Variants in MMD2 observed in about 807,000 individuals in gnomAD.
MMD2 encodes monocyte to macrophage differentiation associated 2.
A neutral mutation model predicts 33.5 loss-of-function variants in MMD2; 30 were observed. The ratio of observed to expected loss-of-function variants is 0.90; its 90% confidence interval spans 0.67 to 1.22. MMD2 has a LOEUF of 1.22. Ranked by LOEUF, MMD2 falls within the 50% of genes most tolerant of loss-of-function variation. The probability of loss-of-function intolerance (pLI) is 0.00; values close to 1 mark genes in which losing one functional copy is unlikely to be tolerated. For synonymous variants in MMD2, 129 were observed against 123.0 expected, an observed-to-expected ratio of 1.05 and a Z score of -0.32; for missense variants, 364 against 325.4, an observed-to-expected ratio of 1.12 and a Z score of -0.91.
At position 4,907,394 on chromosome 7, in the gene MMD2, C is replaced by A; in HGVS notation, c.*2G>T. The A allele has an allele frequency of 6.2e-7, 1 of 1,613,648 alleles. No individual in the cohort carries two copies. The highest frequency in any genetic ancestry group is 1.1e-5 in the South Asian group (1 of 91,054). ...CAAACGACCTCTCAAGTCTGGGTCA[C>A]CTCATTTGGACACCTTGGTCTGCAG... On this transcript the variant is annotated 3_prime_UTR_variant, in exon 7 of 7. Coordinates refer to ENST00000401401, the MANE Select transcript of MMD2 (RefSeq NM_198403.4).
At chr7:4,944,875 A>G (rs988907460) in intron 1 of MMD2, among the ~76,000 whole-genome samples, 16 of 140,618 alleles carry the variant, frequency 1.1e-4, no homozygotes, top group African/African-American at 4.3e-4. Context: ...TCACACCATT[A>G]TCCTGCCTCA....
rs116698220 is a variant in MMD2, at chr7:4,941,851, A to T, written c.48-16319T>A. The stretch of plus-strand genomic sequence containing the variant: ...ACCAGGAAGGTTGCACCACAAATGT[A>T]TCTTTAAAGAGTCCTTGAGGTGACA... On this transcript the variant is annotated intron_variant, in intron 1 of 6. Transcript: ENST00000401401. Among the ~76,000 whole-genome samples the T allele has an allele frequency of 2.7e-3, 407 of 151,666 alleles. 1 individual carries two copies. The highest frequency in any genetic ancestry group is 9.2e-3 in the African/African-American group (382 of 41,490).
intron 1 of MMD2, among the ~76,000 whole-genome samples, chr7:4,949,595 T>C (rs1337706326): frequency 2.6e-5 from 4 of 151,844 alleles, no homozygotes; most frequent in Admixed American, 2.6e-4. Flanking sequence ...CACTGCAACC[T>C]CTGCTTCCAA....
Position 4,958,982 on chromosome 7 carries a change from C to T in MMD2, c.36G>A (p.Thr12=). 7.8e-7 allele frequency: 1 copy of T among 1,285,388 alleles called. No individual in the cohort carries two copies. Among genetic ancestry groups the T allele is most frequent in the South Asian group, 2.7e-5 (1 of 36,486 alleles). 79.6% of individuals were successfully genotyped at this position (1,285,388 alleles called of 1,614,324 possible). Residue 12 remains threonine, a synonymous_variant, in exon 1 of 7, where the codon ACG becomes ACA. Coordinates refer to ENST00000401401, the MANE Select transcript of MMD2 (RefSeq NM_198403.4). ...CGGCCGCCGCTCACCTCGCGTATTTCGTCTTCTGGAAATCCAGCAGCCGGG... is the reference window on the plus strand; with the variant it reads ...CGGCCGCCGCTCACCTCGCGTATTTTGTCTTCTGGAAATCCAGCAGCCGGG... ...FAPRLLDFQK[T]KYARFMNHRV...
At chr7:4,895,533 T>C in the MMD2 span, among the ~76,000 whole-genome samples, 1 of 151,400 alleles carries the variant, frequency 6.6e-6, no homozygotes, top group East Asian at 2.0e-4. Context: ...CCAGGCATTC[T>C]TTTTTTTTCT....
intron 3 of MMD2, among the ~76,000 whole-genome samples, chr7:4,918,020 G>A (rs182434742): frequency 2.0e-5 from 3 of 152,298 alleles, no homozygotes; most frequent in Admixed American, 1.3e-4. Flanking sequence ...AAGCTCCCAT[G>A]TGGCTGTGAA....
intron 1 of MMD2, among the ~76,000 whole-genome samples, chr7:4,948,687 G>A (rs1786158086): frequency 6.6e-6 from 1 of 152,186 alleles, no homozygotes; most frequent in African/African-American, 2.4e-5. Context: ...TTACTGCCAA[G>A]TCTATAAGAA....
Position 4,907,515 on chromosome 7 carries a change from T to C in MMD2, c.622A>G (p.Ile208Val). Residue 208 changes from isoleucine (I) to valine (V), a missense_variant, in exon 7 of 7, where the codon ATC (isoleucine) becomes GTC (valine). Physicochemically the swap from Ile to Val is conservative, Grantham distance 29. Transcript: ENST00000401401. ...GMVFFKSDGR[I>V]PFAHAIWHLF... ...TGCCAGATGGCGTGGGCAAAGGGGA[T>C]CCTCCCGTCACTCTTGAAGAAGACC... The C allele has an allele frequency of 1.9e-6, 3 of 1,613,850 alleles. No homozygotes were observed. Among genetic ancestry groups the C allele is most frequent in the Non-Finnish European group, 2.5e-6 (3 of 1,179,902 alleles).
rs60993344 is a variant in MMD2, at chr7:4,956,425, T to TA, written c.47+2545dup. ...TGGGTGATAGAGTAGATCCTATCTT[T>TA]AAAAAAAAAAAAAATCACTTAATCA... is the stretch of plus-strand genomic sequence containing the variant. On this transcript the variant is annotated intron_variant, in intron 1 of 6. Coordinates refer to ENST00000401401, the MANE Select transcript of MMD2 (RefSeq NM_198403.4). Among the ~76,000 whole-genome samples the TA allele has an allele frequency of 3.4e-3, 493 of 144,168 alleles. 1 individual carries two copies. Among genetic ancestry groups the TA allele is most frequent in the African/African-American group, 7.7e-3 (305 of 39,590 alleles). 94.6% of individuals were successfully genotyped at this position (144,168 alleles called of 152,430 possible).
At chr7:4,931,981 A>C (rs905695733) in intron 1 of MMD2, among the ~76,000 whole-genome samples, 5 of 152,128 alleles carry the variant, frequency 3.3e-5, no homozygotes, top group Non-Finnish European at 7.4e-5. Context: ...TGTGGTTTGC[A>C]CTGGTCTCCA....
Position 4,925,452 on chromosome 7 carries a change from G to A in MMD2, c.128C>T (p.Ala43Val). 6.5e-7 allele frequency: 1 copy of A among 1,538,214 alleles called. No homozygotes were observed. Among genetic ancestry groups the A allele is most frequent in the Non-Finnish European group, 8.8e-7 (1 of 1,138,082 alleles). Reference protein sequence around the residue: ...YEHAANCATHAFWIIPSILGS... With the variant: ...YEHAANCATHVFWIIPSILGS... Reference sequence around the variant, plus strand: ...TGAGCCCCCCAAAAGCCAACTCACAGCATGGGTGGCACAGTTGGCCGCATG... The same window carrying A: ...TGAGCCCCCCAAAAGCCAACTCACAACATGGGTGGCACAGTTGGCCGCATG... Residue 43 changes from alanine (A) to valine (V), a missense_variant and splice_region_variant, in exon 2 of 7, where the codon GCT becomes GTT. By Grantham distance (64) the Ala-to-Val change is moderately conservative. Coordinates refer to ENST00000401401, the MANE Select transcript of MMD2 (RefSeq NM_198403.4).
chr7:4,955,211 C>T (rs1459509690), intron 1 of MMD2, among the ~76,000 whole-genome samples: 2 of 152,154 alleles, frequency 1.3e-5, no homozygotes, highest in African/African-American at 2.4e-5. Flanking sequence ...CTGCTCCATT[C>T]GTCAATTTGC....
At chr7:4,926,980 G>A (rs1279204909) in intron 1 of MMD2, among the ~76,000 whole-genome samples, 2 of 151,556 alleles carry the variant, frequency 1.3e-5, no homozygotes, top group Non-Finnish European at 2.9e-5. Flanking sequence ...TCCTGACCTC[G>A]TGATCCGCCT....
rs73321927 is a variant in MMD2, at chr7:4,932,054, G to A, written c.48-6522C>T. On this transcript the variant is annotated intron_variant, in intron 1 of 6. Transcript: ENST00000401401. Reference sequence around the variant, plus strand: ...ACCTGCCACCAGGTGCAGGCCTGCAGCCCTGGCTTCCCCTGCTCCTGTAAC... The same window carrying A: ...ACCTGCCACCAGGTGCAGGCCTGCAACCCTGGCTTCCCCTGCTCCTGTAAC... Among the ~76,000 whole-genome samples, 1,346 of 152,304 alleles carry A rather than the reference G, an allele frequency of 8.8e-3. 20 individuals are homozygous for A. Among genetic ancestry groups the A allele is most frequent in the African/African-American group, 0.031 (1,272 of 41,566 alleles).
intron 3 of MMD2, among the ~76,000 whole-genome samples, chr7:4,916,459 T>C (rs913087989): frequency 3.6e-4 from 52 of 144,320 alleles, no homozygotes; most frequent in African/African-American, 1.3e-3. Flanking sequence ...CTCAGCTCAC[T>C]GCAACCTCCG....
intron 1 of MMD2, among the ~76,000 whole-genome samples, chr7:4,934,627 G>C (rs1179261514): frequency 6.6e-6 from 1 of 152,172 alleles, no homozygotes; most frequent in Non-Finnish European, 1.5e-5. Context: ...GCTTACATGA[G>C]CACATGGCCA....
At position 4,907,736 on chromosome 7, in the gene MMD2, A is replaced by G. The variant is rs185916045; in HGVS notation, c.538-137T>C. 3.2e-4 allele frequency: 223 copies of G among 697,774 alleles called. No individual in the cohort carries two copies. The East Asian group carries it at 4.3e-3, about 13-fold the overall frequency. The allele number at this position is 697,774 out of a possible 1,614,324, so 43.2% of individuals were successfully genotyped here. A position where few individuals can be genotyped will look rare whatever the true frequency, so the allele number is the denominator to read the frequency against. ...CCCAGACTCCCAGGTGGGAAGCCTCAACACTGACATACCAGCAATTCTCCC... is the reference window on the plus strand; with the variant it reads ...CCCAGACTCCCAGGTGGGAAGCCTCGACACTGACATACCAGCAATTCTCCC... On this transcript the variant is annotated intron_variant, in intron 6 of 6. Transcript: ENST00000401401.
chr7:4,912,138 A>T (rs913243438), intron 4 of MMD2, among the ~76,000 whole-genome samples: 1 of 151,990 alleles, frequency 6.6e-6, no homozygotes, highest in East Asian at 1.9e-4. Context: ...ATTAAAAAAT[A>T]AAAAATAGGA....
intron 1 of MMD2, among the ~76,000 whole-genome samples, chr7:4,944,713 C>A (rs112975031): frequency 6.6e-6 from 1 of 151,636 alleles, no homozygotes; most frequent in Non-Finnish European, 1.5e-5. Flanking sequence ...GTCCTGAACA[C>A]CAACAAATTC....
Sources: allele counts gnomAD v4.1 joint callset (sites outside exome capture counted in the v4.1 genomes callset), GRCh38; gene constraint gnomAD v4.1.1; transcripts MANE v1.5; gene names NCBI Gene and HGNC (gene_info 2026-07-23, HGNC 2026-07-21).